The following CRYBB1 variants were observed in gnomAD, a reference collection of about 807,000 sequenced individuals.
CRYBB1 encodes the protein crystallin beta B1, also known as beta-crystallin B1.
CRYBB1 carries 16 observed loss-of-function variants against 29.5 expected under a neutral mutation model. The ratio of observed to expected loss-of-function variants is 0.54; its 90% CI spans 0.37 to 0.82. The LOEUF (loss-of-function observed/expected upper bound fraction) is 0.82, where lower values mean the gene tolerates loss of function less well. CRYBB1 is among the 40% of genes least tolerant of loss of function. The pLI, the probability that CRYBB1 is intolerant of heterozygous loss-of-function variation, is 0.00. For missense variants in CRYBB1, 300 were observed against 350.5 expected, an observed-to-expected ratio of 0.86 and a Z score of 1.15; for synonymous variants, 127 against 136.7, an observed-to-expected ratio of 0.93 and a Z score of 0.49.
Position 26,615,450 on chromosome 22 carries a change from G to A in CRYBB1, c.180+690C>T, listed in dbSNP as rs572308101. 7.2e-5 allele frequency among the ~76,000 whole-genome samples: 11 copies of A among 152,266 alleles called. No homozygotes were observed. The East Asian group carries it at 2.1e-3, about 29-fold the overall frequency. ...CTGATTGCCAGGTGTCCCTTCAGCT[G>A]TGAAGCGGTATGGTTTGGTTGTTGT... On this transcript the variant is annotated intron_variant, in intron 2 of 5. Coordinates refer to ENST00000647684, the MANE Select transcript of CRYBB1 (RefSeq NM_001887.4).
intron 5 of CRYBB1, 91 bp from the exon 6 acceptor site, chr22:26,599,764 T>G: frequency 1.0e-6 from 1 of 972,986 alleles, no homozygotes. Flanking sequence ...CCTTCATTGA[T>G]CCCTGCAGTC....
chr22:26,600,304 A>G (rs939529236), intron 5 of CRYBB1, among the ~76,000 whole-genome samples: 5 of 152,220 alleles, frequency 3.3e-5, no homozygotes, highest in African/African-American at 9.6e-5. Flanking sequence ...CGGGAGACTG[A>G]AGCAGGAGAA....
chr22:26,607,098 C>T (rs1929001738), intron 4 of CRYBB1, among the ~76,000 whole-genome samples: 1 of 147,850 alleles, frequency 6.8e-6, no homozygotes, highest in South Asian at 2.2e-4. Context: ...TCTCGGCTCA[C>T]TGCAACCTCT....
intron 4 of CRYBB1, among the ~76,000 whole-genome samples, chr22:26,605,265 A>G (rs1928939326): frequency 6.6e-6 from 1 of 152,142 alleles, no homozygotes; most frequent in Non-Finnish European, 1.5e-5. Flanking sequence ...ATGGATTTTT[A>G]TGATTAGCTT....
intron 3 of CRYBB1, among the ~76,000 whole-genome samples, chr22:26,608,455 A>C (rs1250450805): frequency 6.6e-6 from 1 of 152,178 alleles, no homozygotes; most frequent in African/African-American, 2.4e-5. Flanking sequence ...ACACTTACTA[A>C]TCTCTCCTTT....
chr22:26,608,054 A>G, intron 3 of CRYBB1, 33 bp from the exon 4 acceptor site: 1 of 1,613,978 alleles, frequency 6.2e-7, no homozygotes, highest in Non-Finnish European at 8.5e-7. Flanking sequence ...GGCAGACAGG[A>G]GACATATGGT....
At position 26,612,148 on chromosome 22, in the gene CRYBB1, C is replaced by A; in HGVS notation, c.223G>T (p.Glu75Ter). 1 of 1,614,040 alleles carries A rather than the reference C, an allele frequency of 6.2e-7. No individual in the cohort carries two copies. Among genetic ancestry groups the A allele is most frequent in the Non-Finnish European group, 8.5e-7 (1 of 1,179,992 alleles). The change falls in exon 3 of 6, where the codon GAA becomes TAA. Residue 75 changes from glutamate to a stop codon, truncating the protein, a stop_gained. Coordinates refer to ENST00000647684, the MANE Select transcript of CRYBB1 (RefSeq NM_001887.4). LOFTEE classifies it high-confidence loss of function. ...AGATTTGAGCACTCCCCCGAGAATT[C>A]TGCTCGACGGCCCTGGAAGTTTTCC... ...ELENFQGRRAEFSGECSNLAD... is the reference protein window; with the variant it reads ...ELENFQGRRA
At chr22:26,613,217 T>C (rs1929235742) in intron 2 of CRYBB1, among the ~76,000 whole-genome samples, 1 of 152,268 alleles carries the variant, frequency 6.6e-6, no homozygotes, top group African/African-American at 2.4e-5. Context: ...GTCCACTTGC[T>C]GTTCCAAGTT....
intron 1 of CRYBB1, 110 bp from the exon 2 acceptor site, chr22:26,616,448 C>G: frequency 2.7e-6 from 2 of 745,810 alleles, no homozygotes; most frequent in Non-Finnish European, 4.6e-6. Context: ...CTCTCTATCT[C>G]CTTCTGAAAC....
Position 26,602,016 on chromosome 22 carries a change from G to C in CRYBB1, c.438C>G (p.Ala146=). ...CAAACAGGGAGATTTTGTGCTCCTG[G>C]GCATCCTGGGGAAAGAGAGGCCGGG... is the stretch of plus-strand genomic sequence containing the variant. The part of the protein sequence containing the change: ...LMSFRPIKMD[A]QEHKISLFEG... Residue 146 remains alanine (A), a synonymous_variant, in exon 5 of 6, where the codon GCC becomes GCG. Transcript: ENST00000647684. The C allele has an allele frequency of 6.2e-7, 1 of 1,613,710 alleles. No homozygotes were observed. Among genetic ancestry groups the C allele is most frequent in the Non-Finnish European group, 8.5e-7 (1 of 1,179,898 alleles).
At chr22:26,601,464 C>G (rs1057257668) in intron 5 of CRYBB1, among the ~76,000 whole-genome samples, 1 of 151,846 alleles carries the variant, frequency 6.6e-6, no homozygotes, top group East Asian at 2.0e-4. Flanking sequence ...TCAGGGCCAT[C>G]TTATGATGCA....
At chr22:26,612,508 CCCA>C (rs1000307065) in intron 2 of CRYBB1, among the ~76,000 whole-genome samples, 1 of 152,186 alleles carries the variant, frequency 6.6e-6, no homozygotes, top group African/African-American at 2.4e-5. Flanking sequence ...ATTACAGGCA[CCCA>C]CCACCATGCC....
intron 1 of CRYBB1, among the ~76,000 whole-genome samples, chr22:26,617,460 C>T (rs947182776): frequency 5.3e-5 from 8 of 152,326 alleles, no homozygotes; most frequent in Non-Finnish European, 1.0e-4. Context: ...TGTGCATATT[C>T]TGGGGTGCCC....
At chr22:26,613,762 A>G (rs527410381) in intron 2 of CRYBB1, among the ~76,000 whole-genome samples, 8 of 152,334 alleles carry the variant, frequency 5.3e-5, no homozygotes, top group African/African-American at 7.2e-5. Context: ...GATAACAGCA[A>G]TTGTTCAGGG....
At chr22:26,611,891 C>T (rs905114024) in intron 3 of CRYBB1, among the ~76,000 whole-genome samples, 181 bp downstream of exon 3, 9 of 152,116 alleles carry the variant, frequency 5.9e-5, no homozygotes, top group African/African-American at 1.4e-4. Flanking sequence ...TTTCCTCATC[C>T]GTAAAATGAG....
At chr22:26,607,782 G>A (rs1001084018) in intron 4 of CRYBB1, 107 bp downstream of exon 4, 35 of 1,506,024 alleles carry the variant, frequency 2.3e-5, no homozygotes, top group African/African-American at 1.5e-4. Context: ...AGGCTGCCAC[G>A]CCTCCCTACC....
chr22:26,611,454 G>GTTTTTTTTTTTTTTTTTTTTT (rs751632589), intron 3 of CRYBB1, among the ~76,000 whole-genome samples: 1 of 142,696 alleles, frequency 7.0e-6, no homozygotes. Context: ...GCTAGAGTTT[G>GTTTTTTTTTTTTTTTTTTTTT]TTTTTTTTTT....
In CRYBB1 at chr22:26,616,267, C is replaced by T; in HGVS notation, c.53G>A (p.Gly18Glu). The change falls in exon 2 of 6, where the codon GGG becomes GAG. Residue 18 changes from glycine (G) to glutamate (E), a missense_variant. Transcript: ENST00000647684. ...SASATVAVNP[G>E]PDTKGKGAPP... ...GGCCCCCTTCCCCTTGGTGTCAGGC[C>T]CTGGGTTCACCGCCACTGTGGCCGA... 6.2e-7 allele frequency: 1 copy of T among 1,614,012 alleles called. No homozygotes were observed. Among genetic ancestry groups the T allele is most frequent in the Non-Finnish European group, 8.5e-7 (1 of 1,179,910 alleles).
At chr22:26,601,814 G>T (rs1602320726) in intron 5 of CRYBB1, 65 bp downstream of exon 5, 1 of 1,608,328 alleles carries the variant, frequency 6.2e-7, no homozygotes. Context: ...CCTGTAAGGG[G>T]AGCAGCCTCT....
Sources: gnomAD v4.1 joint callset for allele counts (sites outside exome capture counted in the v4.1 genomes callset) on GRCh38, gnomAD v4.1.1 for gene constraint, MANE v1.5 for transcripts, NCBI Gene and HGNC (gene_info 2026-07-23, HGNC 2026-07-21) for gene names.